The following CGNL1 variants were observed in gnomAD, a reference collection of about 807,000 sequenced individuals.
The protein encoded by CGNL1 is cingulin like 1, also known as cingulin-like protein 1.
In CGNL1, 132 loss-of-function variants were observed where a neutral mutation model predicts 141.2. That is an observed-to-expected ratio of 0.93 (90% CI 0.81 to 1.08). CGNL1 has a LOEUF of 1.08. CGNL1 is among the 50% of genes least tolerant of loss of function. The pLI is 0.00. For missense variants in CGNL1, 1,870 were observed against 1,588.6 expected, an observed-to-expected ratio of 1.18 and a Z score of -3.01; for synonymous variants, 690 against 622.1, an observed-to-expected ratio of 1.11 and a Z score of -1.63.
chr15:57,429,841 A>C (rs2063022750), intron 1 of CGNL1, among the ~76,000 whole-genome samples: 1 of 152,172 alleles, frequency 6.6e-6, no homozygotes, highest in Non-Finnish European at 1.5e-5. Flanking sequence ...AGGGTCTCTC[A>C]GTCTATCACC....
chr15:57,389,875 T>C (rs2013285), intron 1 of CGNL1, among the ~76,000 whole-genome samples: 40,086 of 128,040 alleles, frequency 0.31, 5,679 homozygotes, highest in Admixed American at 0.39. Flanking sequence ...AGTACAGTGG[T>C]GCCACCTTGG....
At chr15:57,493,173 G>A (rs2063890257) in intron 8 of CGNL1, among the ~76,000 whole-genome samples, 1 of 152,080 alleles carries the variant, frequency 6.6e-6, no homozygotes, top group Non-Finnish European at 1.5e-5. Flanking sequence ...AGTTAATGCT[G>A]GTAAAGTTGA....
intron 8 of CGNL1, among the ~76,000 whole-genome samples, chr15:57,489,100 A>G (rs999193179): frequency 1.3e-5 from 2 of 152,268 alleles, no homozygotes; most frequent in African/African-American, 4.8e-5. Flanking sequence ...AAGTTTGACT[A>G]AAGTATCCAA....
Position 57,548,781 on chromosome 15 carries a change from A to C in CGNL1, c.*1291A>C, listed in dbSNP as rs530519626. Reference sequence around the variant, plus strand: ...GTATGGGGGAAAGGTTCATAGACTTAGGTGTGAGAATGAGGTGGGAGGTGT... The same window carrying C: ...GTATGGGGGAAAGGTTCATAGACTTCGGTGTGAGAATGAGGTGGGAGGTGT... On this transcript the variant is annotated 3_prime_UTR_variant, in exon 19 of 19. Coordinates refer to ENST00000281282, the MANE Select transcript of CGNL1 (RefSeq NM_032866.5). The C allele has an allele frequency of 1.6e-4, 25 of 152,196 alleles. No homozygotes were observed. The highest frequency in any genetic ancestry group is 5.8e-4 in the African/African-American group (24 of 41,480). The allele number at this position is 152,196 out of a possible 1,614,324, so 9.4% of individuals were successfully genotyped here.
At chr15:57,440,809 C>G (rs1162870456) in intron 3 of CGNL1, among the ~76,000 whole-genome samples, 1 of 152,120 alleles carries the variant, frequency 6.6e-6, no homozygotes, top group African/African-American at 2.4e-5. Context: ...TGAGTTCTTC[C>G]GTGCAATGTG....
chr15:57,438,890 C>T lies in CGNL1; in HGVS notation c.891C>T (p.Ser297=). The T allele has an allele frequency of 6.2e-7, 1 of 1,614,218 alleles. No individual in the cohort carries two copies. Among genetic ancestry groups the T allele is most frequent in the South Asian group, 1.1e-5 (1 of 91,070 alleles). Residue 297 remains serine (S), a synonymous_variant, in exon 2 of 19, where the codon TCC becomes TCT. Coordinates refer to ENST00000281282, the MANE Select transcript of CGNL1 (RefSeq NM_032866.5). The part of the protein sequence containing the change: ...VLDGARSRRS[S]SSSTTPTSAN... ...ATGGAGCTCGGTCCCGGAGGTCCTC[C>T]TCGTCATCCACAACTCCCACGTCAG...
chr15:57,423,068 G>A (rs1419044995), intron 1 of CGNL1, among the ~76,000 whole-genome samples: 2 of 152,098 alleles, frequency 1.3e-5, no homozygotes, highest in Admixed American at 6.6e-5. Context: ...CTTTTTGTCT[G>A]GTTTGGATTC....
At chr15:57,518,295 T>C (rs2030985964) in intron 9 of CGNL1, 98 bp from the exon 10 acceptor site, 2 of 859,294 alleles carry the variant, frequency 2.3e-6, no homozygotes, top group East Asian at 2.7e-5. Context: ...GCCACTGCCA[T>C]ATCTATGGGT....
intron 1 of CGNL1, among the ~76,000 whole-genome samples, chr15:57,391,206 C>T (rs569889545): frequency 1.3e-3 from 197 of 152,290 alleles, no homozygotes; most frequent in Non-Finnish European, 1.7e-3. Context: ...TAGCAGAGTC[C>T]GGACTGGTGT....
chr15:57,548,213 C>G lies in CGNL1; in HGVS notation c.*723C>G, dbSNP rs1323654345. ...ACGGGGTTTCACCATGTTGGTCAGG[C>G]TGGTCTTGAACTCCTGACCTCAGGT... On this transcript the variant is annotated 3_prime_UTR_variant, in exon 19 of 19. Coordinates refer to ENST00000281282, the MANE Select transcript of CGNL1 (RefSeq NM_032866.5). The G allele has an allele frequency of 6.6e-6, 1 of 152,124 alleles. No individual in the cohort carries two copies. Among genetic ancestry groups the G allele is most frequent in the African/African-American group, 2.4e-5 (1 of 41,402 alleles). 9.4% of individuals were successfully genotyped at this position (152,124 alleles called of 1,614,324 possible).
intron 18 of CGNL1, 138 bp from the exon 19 acceptor site, chr15:57,547,217 C>T: frequency 7.5e-6 from 7 of 934,978 alleles, no homozygotes; most frequent in Middle Eastern, 5.3e-4. Flanking sequence ...CAGGTGGAGA[C>T]CTGTTACATT....
intron 1 of CGNL1, among the ~76,000 whole-genome samples, chr15:57,384,241 A>G (rs1464372795): frequency 2.0e-5 from 3 of 152,128 alleles, no homozygotes; most frequent in Non-Finnish European, 4.4e-5. Flanking sequence ...GATGGGGTAC[A>G]AAAGAGGGAG....
At chr15:57,516,204 A>C (rs536296916) in intron 8 of CGNL1, among the ~76,000 whole-genome samples, 1 of 150,820 alleles carries the variant, frequency 6.6e-6, no homozygotes, top group Non-Finnish European at 1.5e-5. Context: ...GACCCTGCCC[A>C]TGCAAATGGG....
chr15:57,465,918 G>C (rs754372037), intron 8 of CGNL1, among the ~76,000 whole-genome samples: 1 of 152,176 alleles, frequency 6.6e-6, no homozygotes, highest in Non-Finnish European at 1.5e-5. Context: ...ATTCCAAACA[G>C]ATAACTCTGT....
Position 57,438,662 on chromosome 15 carries a change from C to A in CGNL1, c.663C>A (p.Ser221=). 6.2e-7 allele frequency: 1 copy of A among 1,614,162 alleles called. No individual in the cohort carries two copies. The highest frequency in any genetic ancestry group is 8.5e-7 in the Non-Finnish European group (1 of 1,180,046). Residue 221 remains serine, a synonymous_variant, in exon 2 of 19, where the codon TCC becomes TCA. Coordinates refer to ENST00000281282, the MANE Select transcript of CGNL1 (RefSeq NM_032866.5). ...TGACAGCTATTCGTTTATGCAGCTC[C>A]GTGGTCATAGAGGACCCCAAAAAGC... ...SGVTAIRLCS[S]VVIEDPKKQT... is the part of the protein sequence containing the mutation.
At chr15:57,406,289 GC>G (rs2062722137) in intron 1 of CGNL1, among the ~76,000 whole-genome samples, 1 of 152,192 alleles carries the variant, frequency 6.6e-6, no homozygotes, top group South Asian at 2.1e-4. Context: ...GACGCTGAAG[GC>G]CCTAAGGCAT....
chr15:57,470,510 C>G (rs905964318), intron 8 of CGNL1, among the ~76,000 whole-genome samples: 39 of 152,110 alleles, frequency 2.6e-4, no homozygotes, highest in African/African-American at 9.2e-4. Context: ...CTTAGCGGGC[C>G]TCCATGAGGG....
chr15:57,465,545 C>G (rs2152337973), intron 8 of CGNL1, among the ~76,000 whole-genome samples: 1 of 151,988 alleles, frequency 6.6e-6, no homozygotes, highest in African/African-American at 2.4e-5. Context: ...CATGCGCCAC[C>G]ACACCTGACT....
chr15:57,385,408 G>A (rs2062471992), intron 1 of CGNL1, among the ~76,000 whole-genome samples: 2 of 152,204 alleles, frequency 1.3e-5, no homozygotes, highest in South Asian at 4.1e-4. Flanking sequence ...GGGGGCGCAT[G>A]CCTGCATTCC....
Sources: gnomAD v4.1 joint callset for allele counts (sites outside exome capture counted in the v4.1 genomes callset) on GRCh38, gnomAD v4.1.1 for gene constraint, MANE v1.5 for transcripts, NCBI Gene and HGNC (gene_info 2026-07-23, HGNC 2026-07-21) for gene names.